Variants in KCND2 observed in about 807,000 individuals in gnomAD.
KCND2 encodes the protein potassium voltage-gated channel subfamily D member 2, also known as A-type voltage-gated potassium channel KCND2.
KCND2 carries 16 observed loss-of-function variants against 54.4 expected under a neutral mutation model. That is an observed-to-expected ratio of 0.29 (90% confidence interval 0.20 to 0.45). KCND2 has a LOEUF of 0.45. Among genes scored for constraint, KCND2 ranks in the 20% least tolerant of loss-of-function variants. KCND2 has a pLI of 1.00. For synonymous variants in KCND2, 317 were observed against 310.7 expected, an observed-to-expected ratio of 1.02 and a Z score of -0.21; for missense variants, 486 against 824.2, an observed-to-expected ratio of 0.59 and a Z score of 5.02.
chr7:120,531,410 C>T (rs1791841246), intron 1 of KCND2, among the ~76,000 whole-genome samples: 1 of 152,054 alleles, frequency 6.6e-6, no homozygotes, highest in South Asian at 2.1e-4. Context: ...AACTACATCC[C>T]ATCTGTTCCA....
chr7:120,472,929 A>G (rs527713359), intron 1 of KCND2, among the ~76,000 whole-genome samples: 14 of 152,194 alleles, frequency 9.2e-5, no homozygotes, highest in Non-Finnish European at 1.9e-4. Flanking sequence ...GTTAATAAAG[A>G]CTCTGAAACA....
intron 1 of KCND2, among the ~76,000 whole-genome samples, chr7:120,282,190 G>A (rs948218230): frequency 1.5e-4 from 23 of 152,156 alleles, no homozygotes; most frequent in Admixed American, 2.6e-4. Context: ...ATGTAAATAC[G>A]AGTAGCTTAA....
At chr7:120,541,970 A>G (rs937491642) in intron 1 of KCND2, among the ~76,000 whole-genome samples, 3 of 152,184 alleles carry the variant, frequency 2.0e-5, no homozygotes, top group African/African-American at 7.2e-5. Context: ...TTAAACACAT[A>G]AACCATTTTA....
chr7:120,673,904 TATTTA>T (rs1792025134), intron 1 of KCND2, among the ~76,000 whole-genome samples: 1 of 146,402 alleles, frequency 6.8e-6, no homozygotes. Context: ...CTGCCTCTTT[TATTTA>T]TTTTTTTTTT....
chr7:120,627,493 A>G (rs942254940), intron 1 of KCND2, among the ~76,000 whole-genome samples: 1 of 152,172 alleles, frequency 6.6e-6, no homozygotes, highest in Non-Finnish European at 1.5e-5. Flanking sequence ...ATTTTCCAAT[A>G]ATTTCCTATT....
chr7:120,317,410 T>C lies in KCND2; in HGVS notation c.1115+41663T>C, dbSNP rs115121503. ...ATATATGTATCATACCTAACTCATG[T>C]CAATTGTGTCTTTAATTATTAATTG... On this transcript the variant is annotated intron_variant, in intron 1 of 5. Transcript: ENST00000331113. Among the ~76,000 whole-genome samples, 1,369 of 152,322 alleles carry C rather than the reference T, an allele frequency of 9.0e-3. 19 individuals are homozygous for C. Among genetic ancestry groups the C allele is most frequent in the African/African-American group, 0.031 (1,284 of 41,562 alleles).
intron 1 of KCND2, among the ~76,000 whole-genome samples, chr7:120,428,582 A>G (rs542562209): frequency 2.0e-5 from 3 of 152,314 alleles, no homozygotes; most frequent in East Asian, 3.9e-4. Context: ...CAAAAGACTG[A>G]AGAATTAAAT....
chr7:120,299,799 A>T (rs1799561324), intron 1 of KCND2, among the ~76,000 whole-genome samples: 2 of 152,206 alleles, frequency 1.3e-5, no homozygotes, highest in South Asian at 4.1e-4. Flanking sequence ...TAGTTTCCAC[A>T]TAAAATTATT....
intron 1 of KCND2, among the ~76,000 whole-genome samples, chr7:120,730,872 G>A (rs1308862295): frequency 6.6e-6 from 1 of 152,116 alleles, no homozygotes; most frequent in Non-Finnish European, 1.5e-5. Context: ...CTATTGCCTA[G>A]GCTACCTCTC....
intron 1 of KCND2, among the ~76,000 whole-genome samples, chr7:120,620,903 G>T (rs183680115): frequency 6.6e-6 from 1 of 152,020 alleles, no homozygotes. Flanking sequence ...ATAATTTAAA[G>T]GCATAAAATA....
chr7:120,689,788 A>G (rs1471641417), intron 1 of KCND2, among the ~76,000 whole-genome samples: 1 of 152,190 alleles, frequency 6.6e-6, no homozygotes, highest in Non-Finnish European at 1.5e-5. Context: ...TGAAGAGGCA[A>G]ATGAAATGAG....
At chr7:120,746,410 G>T (rs954055011) in intron 5 of KCND2, among the ~76,000 whole-genome samples, 3 of 152,040 alleles carry the variant, frequency 2.0e-5, no homozygotes, top group Admixed American at 6.6e-5. Context: ...GATCAACATG[G>T]CTAAAAATTA....
intron 1 of KCND2, among the ~76,000 whole-genome samples, chr7:120,533,106 G>T (rs865935376): frequency 1.6e-4 from 24 of 151,902 alleles, no homozygotes; most frequent in African/African-American, 5.6e-4. Context: ...ATAAATCACT[G>T]CCCACTTTCA....
intron 1 of KCND2, among the ~76,000 whole-genome samples, chr7:120,386,569 G>T (rs1441081874): frequency 3.9e-5 from 6 of 152,208 alleles, no homozygotes; most frequent in Admixed American, 1.3e-4. Flanking sequence ...AAAGCCAAAA[G>T]AATTAGAATT....
intron 1 of KCND2, among the ~76,000 whole-genome samples, chr7:120,594,836 A>T (rs540972302): frequency 6.6e-6 from 1 of 152,182 alleles, no homozygotes; most frequent in South Asian, 2.1e-4. Flanking sequence ...CCTGACCAAC[A>T]TGGTGAAACC....
intron 1 of KCND2, among the ~76,000 whole-genome samples, chr7:120,310,934 CAAAAA>C (rs1023300696): frequency 3.4e-5 from 2 of 58,136 alleles, no homozygotes; most frequent in Non-Finnish European, 3.8e-5. Flanking sequence ...AGACTCTGTC[CAAAAA>C]AAAAAAAAAA....
chr7:120,689,175 A>G (rs1445656104), intron 1 of KCND2, among the ~76,000 whole-genome samples: 1 of 152,140 alleles, frequency 6.6e-6, no homozygotes, highest in Non-Finnish European at 1.5e-5. Context: ...TTGGATATTC[A>G]CTTCCAATAT....
At chr7:120,395,447 A>G (rs1801139933) in intron 1 of KCND2, among the ~76,000 whole-genome samples, 1 of 152,008 alleles carries the variant, frequency 6.6e-6, no homozygotes, top group Non-Finnish European at 1.5e-5. Context: ...TTCTCTTACT[A>G]CAGTCACTCA....
chr7:120,710,775 T>C (rs1562916940), intron 1 of KCND2, among the ~76,000 whole-genome samples: 1 of 152,124 alleles, frequency 6.6e-6, no homozygotes, highest in Admixed American at 6.6e-5. Flanking sequence ...GGAACTCACA[T>C]AGCTAATCAA....
Sources: allele counts gnomAD v4.1 joint callset (sites outside exome capture counted in the v4.1 genomes callset), GRCh38; gene constraint gnomAD v4.1.1; transcripts MANE v1.5; gene names NCBI Gene and HGNC (gene_info 2026-07-23, HGNC 2026-07-21).